AP4S1: variants seen among roughly 807,000 people sequenced by gnomAD.
AP4S1 encodes AP-4 complex subunit sigma-1.
Under a neutral mutation model 19.8 loss-of-function variants are expected in AP4S1, and 23 were observed. That is an observed-to-expected ratio of 1.16 (90% CI 0.84 to 1.65). The LOEUF (loss-of-function observed/expected upper bound fraction) is 1.65, where lower values mean the gene tolerates loss of function less well. Ranked by LOEUF, AP4S1 falls within the 40% of genes most tolerant of loss-of-function variation. The probability of loss-of-function intolerance (pLI) is 0.00; values close to 1 mark genes in which losing one functional copy is unlikely to be tolerated. For missense variants in AP4S1, 166 were observed against 172.8 expected (o/e 0.96, Z 0.22); for synonymous variants, 46 against 54.1 (o/e 0.85, Z 0.66).
intron 1 of AP4S1, among the ~76,000 whole-genome samples, chr14:31,036,908 G>A (rs931140584): frequency 6.6e-6 from 1 of 152,036 alleles, no homozygotes; most frequent in Non-Finnish European, 1.5e-5. Context: ...CACCTCCCAG[G>A]TTCAAGTGAT....
rs748266890 is a variant in AP4S1 at position 31,066,261 on chromosome 14, A to G, written c.65A>G (p.His22Arg). ...GQTRLSKYYE[H>R]VDINKRTLLE... is the part of the protein sequence containing the mutation. ...ACTCGACTTTCTAAGTACTATGAAC[A>G]TGTGGATATTAATAAGCGTACACTT... Residue 22 changes from histidine to arginine, a missense_variant, in exon 2 of 6, where the codon CAT (histidine) becomes CGT (arginine). Coordinates refer to ENST00000542754, the MANE Select transcript of AP4S1 (RefSeq NM_001128126.3). 4 of 1,614,008 alleles carry G rather than the reference A, an allele frequency of 2.5e-6. No individual in the cohort carries two copies. Among genetic ancestry groups the G allele is most frequent in the East Asian group, 4.5e-5 (2 of 44,836 alleles).
intron 1 of AP4S1, among the ~76,000 whole-genome samples, chr14:31,063,598 C>G (rs951544279): frequency 6.6e-6 from 1 of 152,084 alleles, no homozygotes; most frequent in Non-Finnish European, 1.5e-5. Context: ...CCAGCCTGGG[C>G]CAGTATCCTC....
chr14:31,081,949 A>C (rs908859157), intron 5 of AP4S1, among the ~76,000 whole-genome samples: 1 of 152,000 alleles, frequency 6.6e-6, no homozygotes, highest in Non-Finnish European at 1.5e-5. Flanking sequence ...CGCCTGCCTC[A>C]GCCTCCCAAA....
At chr14:31,049,428 A>AAAAAAATATATATAT (rs1384450221) in intron 1 of AP4S1, among the ~76,000 whole-genome samples, 4 of 57,764 alleles carry the variant, frequency 6.9e-5, no homozygotes, top group Non-Finnish European at 8.7e-5. Flanking sequence ...AAAAAAAAAA[A>AAAAAAATATATATAT]ATATATATAT....
chr14:31,091,889 G>C (rs1401693346), intron 5 of AP4S1, among the ~76,000 whole-genome samples: 4 of 152,198 alleles, frequency 2.6e-5, no homozygotes, highest in Non-Finnish European at 5.9e-5. Flanking sequence ...TCTTTAAGTA[G>C]ACAGAGAACT....
chr14:31,085,349 C>G (rs1887874217), intron 5 of AP4S1: 1 of 992,460 alleles, frequency 1.0e-6, no homozygotes, highest in Non-Finnish European at 1.2e-6. Context: ...TGGGATGTCC[C>G]ACCTACGTGC....
intron 4 of AP4S1, among the ~76,000 whole-genome samples, chr14:31,075,667 A>G (rs1887313904): frequency 1.3e-5 from 2 of 151,924 alleles, no homozygotes; most frequent in South Asian, 4.1e-4. Flanking sequence ...AGATCCATCC[A>G]TGTTATAGCA....
rs144203468 is a variant in AP4S1, at chr14:31,035,468, G to C, written c.-72+9681G>C. Reference sequence around the variant, plus strand: ...AGCCTCCCAAAGTGCTAGGATTACAGGTGTAAGCAACCACGCCCAGCCAGT... The same window carrying C: ...AGCCTCCCAAAGTGCTAGGATTACACGTGTAAGCAACCACGCCCAGCCAGT... On this transcript the variant is annotated intron_variant, in intron 1 of 5. Transcript: ENST00000542754. 4.5e-3 allele frequency among the ~76,000 whole-genome samples: 684 copies of C among 151,742 alleles called. 2 individuals are homozygous for C. Among genetic ancestry groups the C allele is most frequent in the Non-Finnish European group, 8.0e-3 (543 of 67,950 alleles).
intron 4 of AP4S1, among the ~76,000 whole-genome samples, chr14:31,076,418 G>A (rs1377476481): frequency 6.6e-6 from 1 of 152,226 alleles, no homozygotes; most frequent in African/African-American, 2.4e-5. Flanking sequence ...GGATAAGGAT[G>A]TTGAGCATCT....
intron 1 of AP4S1, among the ~76,000 whole-genome samples, chr14:31,032,302 A>T (rs1054072869): frequency 6.6e-6 from 1 of 152,102 alleles, no homozygotes; most frequent in African/African-American, 2.4e-5. Context: ...TGGACACCGT[A>T]TGCTTATTCT....
intron 5 of AP4S1, chr14:31,084,689 CA>C: frequency 1.3e-6 from 2 of 1,597,592 alleles, no homozygotes; most frequent in Non-Finnish European, 1.7e-6. Context: ...CCTGTTTCTA[CA>C]GGGAGACTTT....
chr14:31,073,225 T>C, intron 4 of AP4S1: 1 of 401,072 alleles, frequency 2.5e-6, no homozygotes, highest in Admixed American at 3.7e-5. Flanking sequence ...GCGCGATGGC[T>C]CACGCCTGTA....
chr14:31,089,377 T>C (rs1476693935), intron 5 of AP4S1, among the ~76,000 whole-genome samples: 1 of 152,182 alleles, frequency 6.6e-6, no homozygotes, highest in African/African-American at 2.4e-5. Flanking sequence ...ACATATTTTG[T>C]TAAAGAACAC....
intron 4 of AP4S1, among the ~76,000 whole-genome samples, chr14:31,073,575 G>A (rs1887182228): frequency 1.3e-5 from 2 of 150,300 alleles, no homozygotes; most frequent in South Asian, 4.2e-4. Context: ...TCTTCCCTCT[G>A]CTTTCTTTTT....
intron 1 of AP4S1, among the ~76,000 whole-genome samples, chr14:31,052,205 G>A (rs1885833744): frequency 1.3e-5 from 2 of 152,084 alleles, no homozygotes; most frequent in East Asian, 1.9e-4. Flanking sequence ...AGGGGACATC[G>A]AGGCTGCAGT....
At position 31,034,108 on chromosome 14, in the gene AP4S1, G is replaced by C. The variant is rs181147150; in HGVS notation, c.-72+8321G>C. Among the ~76,000 whole-genome samples, 14 of 152,310 alleles carry C rather than the reference G, an allele frequency of 9.2e-5. No homozygotes were observed. In the East Asian group the frequency reaches 2.3e-3, roughly 25 times the overall value. The stretch of plus-strand genomic sequence containing the variant: ...GCTAGGTAATAATTTAACAGGCTTG[G>C]TTTGTCATTGAAGCAGCAGGGTGAG... On this transcript the variant is annotated intron_variant, in intron 1 of 5. Coordinates refer to ENST00000542754, the MANE Select transcript of AP4S1 (RefSeq NM_001128126.3).
At chr14:31,080,358 C>A (rs1167183639) in intron 4 of AP4S1, among the ~76,000 whole-genome samples, 1 of 152,162 alleles carries the variant, frequency 6.6e-6, no homozygotes, top group Admixed American at 6.6e-5. Context: ...TCGTGCTGGC[C>A]TGTAAAATTC....
At position 31,092,922 on chromosome 14, in the gene AP4S1, G is replaced by A. The variant is rs1888115019; in HGVS notation, c.322G>A (p.Asp108Asn). 6.5e-7 allele frequency: 1 copy of A among 1,533,698 alleles called. No homozygotes were observed. Among genetic ancestry groups the A allele is most frequent in the Non-Finnish European group, 8.8e-7 (1 of 1,138,038 alleles). ...VSELDIMFNL[D>N]KVHIILDEMV... ...ATAACCGTAGATAATGTTTAATTTG[G>A]ATAAAGTACACATCATTTTGGATGA... Residue 108 changes from aspartate to asparagine, a missense_variant, in exon 6 of 6, where the codon GAT becomes AAT. Asp to Asn is a conservative substitution (Grantham distance 23). Coordinates refer to ENST00000542754, the MANE Select transcript of AP4S1 (RefSeq NM_001128126.3).
At chr14:31,045,991 A>T (rs958757654) in intron 1 of AP4S1, among the ~76,000 whole-genome samples, 3 of 133,128 alleles carry the variant, frequency 2.3e-5, no homozygotes, top group South Asian at 2.4e-4. Context: ...TTTGAGACGG[A>T]GTTTCACTCT....
Sources: allele counts gnomAD v4.1 joint callset (sites outside exome capture counted in the v4.1 genomes callset), GRCh38; gene constraint gnomAD v4.1.1; transcripts MANE v1.5; gene names NCBI Gene and HGNC (gene_info 2026-07-23, HGNC 2026-07-21).